The following MACROD2 variants were observed in gnomAD, a reference collection of about 807,000 sequenced individuals.
MACROD2 encodes the protein ADP-ribose glycohydrolase MACROD2.
A neutral mutation model predicts 70.4 loss-of-function variants in MACROD2; 36 were observed. The observed-to-expected ratio is 0.51, with a 90% CI of 0.39 to 0.68. The LOEUF is 0.68. MACROD2 is among the 30% of genes least tolerant of loss of function. The pLI, the probability that MACROD2 is intolerant of heterozygous loss-of-function variation, is 0.00. For synonymous variants in MACROD2, 172 were observed against 178.8 expected (o/e 0.96, Z 0.30); for missense variants, 496 against 538.4 (o/e 0.92, Z 0.78).
chr20:15,761,588 A>G (rs2051437049), intron 8 of MACROD2, among the ~76,000 whole-genome samples: 1 of 152,214 alleles, frequency 6.6e-6, no homozygotes, highest in South Asian at 2.1e-4. Flanking sequence ...ACATTTTGTT[A>G]TAGGCAAAAT....
chr20:14,320,231 A>C (rs2082646691), intron 3 of MACROD2, among the ~76,000 whole-genome samples: 1 of 152,080 alleles, frequency 6.6e-6, no homozygotes, highest in South Asian at 2.1e-4. Flanking sequence ...AATCTTCATC[A>C]TCTTCAATAT....
At chr20:16,044,144 AT>A (rs2147617810) in intron 16 of MACROD2, among the ~76,000 whole-genome samples, 1 of 152,240 alleles carries the variant, frequency 6.6e-6, no homozygotes, top group South Asian at 2.1e-4. Context: ...GAAGCTTACA[AT>A]CATGGCGGGA....
intron 5 of MACROD2, among the ~76,000 whole-genome samples, chr20:15,087,935 C>A (rs186911540): frequency 6.6e-6 from 1 of 151,858 alleles, no homozygotes; most frequent in Non-Finnish European, 1.5e-5. Flanking sequence ...TCTAGTAAAG[C>A]AAATTCAAAT....
chr20:15,729,763 A>T (rs938789918), intron 8 of MACROD2, among the ~76,000 whole-genome samples: 21 of 139,292 alleles, frequency 1.5e-4, no homozygotes, highest in African/African-American at 5.7e-4. Context: ...CCATCCCTTT[A>T]CTTTGAGCCT....
At chr20:15,793,111 T>TA (rs915487587) in intron 8 of MACROD2, among the ~76,000 whole-genome samples, 6 of 134,162 alleles carry the variant, frequency 4.5e-5, no homozygotes, top group African/African-American at 1.5e-4. Context: ...TCATTTTGTA[T>TA]AAAAAAAGAC....
At chr20:14,281,745 A>G (rs1418178408) in intron 3 of MACROD2, among the ~76,000 whole-genome samples, 1 of 151,922 alleles carries the variant, frequency 6.6e-6, no homozygotes, top group East Asian at 1.9e-4. Flanking sequence ...GACCAGCCTG[A>G]CCAAAATGGT....
rs1312620857 is a variant in MACROD2, at chr20:14,804,371, T to C, written c.418+119412T>C. ...GGGTATTTTCTAGCAGTTGTGCACA[T>C]TGACTTTTCTTTAAGTTGTAGAGGA... On this transcript the variant is annotated intron_variant, in intron 5 of 17. Transcript: ENST00000684519. Among the ~76,000 whole-genome samples the C allele has an allele frequency of 5.3e-5, 8 of 152,066 alleles. No homozygotes were observed. In the East Asian group the frequency reaches 1.5e-3, roughly 29 times the overall value.
chr20:14,450,838 A>G (rs1281112238), intron 3 of MACROD2, among the ~76,000 whole-genome samples: 1 of 152,092 alleles, frequency 6.6e-6, no homozygotes, highest in Non-Finnish European at 1.5e-5. Context: ...ATGAAATAGG[A>G]TTATAAGCAG....
intron 12 of MACROD2, among the ~76,000 whole-genome samples, chr20:15,941,257 A>G (rs557696294): frequency 6.6e-6 from 1 of 152,346 alleles, no homozygotes; most frequent in South Asian, 2.1e-4. Flanking sequence ...AGCCATTAAT[A>G]TCTATTAACC....
At chr20:14,068,275 C>T (rs939092255) in intron 2 of MACROD2, among the ~76,000 whole-genome samples, 2 of 151,682 alleles carry the variant, frequency 1.3e-5, no homozygotes, top group African/African-American at 4.9e-5. Context: ...CCCCACCCCC[C>T]CTGTGCTCCA....
chr20:15,486,694 T>G (rs2047167707), intron 7 of MACROD2, among the ~76,000 whole-genome samples: 1 of 152,184 alleles, frequency 6.6e-6, no homozygotes, highest in African/African-American at 2.4e-5. Context: ...ATTTTTACCT[T>G]GGACAGATAG....
chr20:15,780,958 A>C (rs1324885431), intron 8 of MACROD2, among the ~76,000 whole-genome samples: 1 of 152,000 alleles, frequency 6.6e-6, no homozygotes, highest in Non-Finnish European at 1.5e-5. Flanking sequence ...GTATTTCTTA[A>C]TTTCTCCCTC....
intron 5 of MACROD2, among the ~76,000 whole-genome samples, chr20:15,196,239 TTAAAA>T (rs1215759660): frequency 2.0e-5 from 3 of 151,562 alleles, no homozygotes; most frequent in South Asian, 2.1e-4. Flanking sequence ...ACCCCTGAAC[TTAAAA>T]TAGAAGTTGA....
chr20:14,840,092 C>T (rs1321690822), intron 5 of MACROD2, among the ~76,000 whole-genome samples: 2 of 149,116 alleles, frequency 1.3e-5, no homozygotes, highest in African/African-American at 5.0e-5. Flanking sequence ...GGCTGGAGTG[C>T]AGTGGTACTA....
intron 5 of MACROD2, among the ~76,000 whole-genome samples, chr20:15,076,287 G>A (rs888083579): frequency 6.6e-6 from 1 of 151,940 alleles, no homozygotes; most frequent in Non-Finnish European, 1.5e-5. Flanking sequence ...ATTCTTATAC[G>A]ATACAATATT....
chr20:14,918,705 G>A (rs895441469), intron 5 of MACROD2, among the ~76,000 whole-genome samples: 1 of 146,024 alleles, frequency 6.8e-6, no homozygotes, highest in African/African-American at 2.5e-5. Context: ...CCACACTTAC[G>A]CATTTCTGAA....
intron 8 of MACROD2, among the ~76,000 whole-genome samples, chr20:15,577,538 G>C (rs1490657959): frequency 6.6e-6 from 1 of 151,926 alleles, no homozygotes; most frequent in Non-Finnish European, 1.5e-5. Flanking sequence ...GCCATATTTG[G>C]GTATAAATCG....
At chr20:15,646,870 A>G (rs1209526811) in intron 8 of MACROD2, among the ~76,000 whole-genome samples, 1 of 152,104 alleles carries the variant, frequency 6.6e-6, no homozygotes, top group Admixed American at 6.5e-5. Context: ...TTCCTTTGTA[A>G]ATTACTCAGT....
chr20:14,635,545 C>T (rs1984743696), intron 4 of MACROD2, among the ~76,000 whole-genome samples: 2 of 152,058 alleles, frequency 1.3e-5, no homozygotes, highest in South Asian at 4.1e-4. Context: ...GTAAAAAATG[C>T]AACATAAAAT....
Sources: gnomAD v4.1 joint callset for allele counts (sites outside exome capture counted in the v4.1 genomes callset) on GRCh38, gnomAD v4.1.1 for gene constraint, MANE v1.5 for transcripts, NCBI Gene and HGNC (gene_info 2026-07-23, HGNC 2026-07-21) for gene names.